The following MCU variants were observed in gnomAD, a reference collection of about 807,000 sequenced individuals.
MCU encodes calcium uniporter protein, mitochondrial.
Under a neutral mutation model 45.2 loss-of-function variants are expected in MCU, and 12 were observed. The observed-to-expected ratio is 0.27, with a 90% CI of 0.17 to 0.43. The LOEUF (loss-of-function observed/expected upper bound fraction) is 0.43. Among genes scored for constraint, MCU ranks in the 20% least tolerant of loss-of-function variants. MCU has a pLI of 1.00. For missense variants in MCU, 324 were observed against 436.7 expected (o/e 0.74, Z 2.30); for synonymous variants, 160 against 165.1 (o/e 0.97, Z 0.24).
Position 72,835,317 on chromosome 10 carries a change from C to T in MCU, c.220+889C>T, listed in dbSNP as rs150131800. On this transcript the variant is annotated intron_variant, in intron 2 of 7. Transcript: ENST00000373053. ...GTGTTTACAACTCTTATTGTCATTT[C>T]TCTTACCCGGTATTGTGCATTTACA... Among the ~76,000 whole-genome samples the T allele has an allele frequency of 2.7e-3, 409 of 152,260 alleles. 2 individuals are homozygous for T. The highest frequency in any genetic ancestry group is 8.2e-3 in the Admixed American group (125 of 15,294).
intron 1 of MCU, among the ~76,000 whole-genome samples, chr10:72,761,198 A>G (rs1049357251): frequency 1.3e-5 from 2 of 152,244 alleles, no homozygotes; most frequent in Admixed American, 6.5e-5. Flanking sequence ...AATGTTTTGC[A>G]GTCCATTTTT....
rs183449572 is a variant in MCU, at chr10:72,878,158, G to T, written c.862-6108G>T. 2.3e-3 allele frequency among the ~76,000 whole-genome samples: 234 copies of T among 103,484 alleles called. 6 individuals are homozygous for T. In the Admixed American group the frequency reaches 0.034, roughly 15 times the overall value. The allele number at this position is 103,484 out of a possible 152,430, so 67.9% of individuals were successfully genotyped here. A position where few individuals can be genotyped will look rare whatever the true frequency, so the allele number is the denominator to read the frequency against. On this transcript the variant is annotated intron_variant, in intron 6 of 7. Coordinates refer to ENST00000373053, the MANE Select transcript of MCU (RefSeq NM_138357.3). Reference sequence around the variant, plus strand: ...TTTTGAGACAGAGTCCTACTCTGTTGCCCAGGTTGGAGTACAGTGGCACAA... The same window carrying T: ...TTTTGAGACAGAGTCCTACTCTGTTTCCCAGGTTGGAGTACAGTGGCACAA...
chr10:72,742,033 A>C (rs867406587), intron 1 of MCU, among the ~76,000 whole-genome samples: 24 of 151,756 alleles, frequency 1.6e-4, no homozygotes, highest in South Asian at 4.2e-4. Flanking sequence ...AAAAAAAAAA[A>C]AAAAAAAAAA....
Position 72,741,244 on chromosome 10 carries a change from C to T in MCU, c.150+48943C>T, listed in dbSNP as rs567327386. 1.2e-3 allele frequency among the ~76,000 whole-genome samples: 177 copies of T among 151,946 alleles called. 1 individual carries two copies. Among genetic ancestry groups the T allele is most frequent in the Non-Finnish European group, 2.2e-4 (15 of 67,958 alleles). On this transcript the variant is annotated intron_variant, in intron 1 of 7. Coordinates refer to ENST00000373053, the MANE Select transcript of MCU (RefSeq NM_138357.3). The stretch of plus-strand genomic sequence containing the variant: ...CCTCCCAAGTAGCTAGGATTACAGG[C>T]GCCCACCACCACACCCGGCTAATTT...
intron 1 of MCU, among the ~76,000 whole-genome samples, chr10:72,707,533 G>A (rs1022205304): frequency 6.6e-6 from 1 of 151,858 alleles, no homozygotes; most frequent in Non-Finnish European, 1.5e-5. Flanking sequence ...AAGGATTGCT[G>A]TACCATCACA....
chr10:72,791,840 C>CA (rs35024051), intron 1 of MCU, among the ~76,000 whole-genome samples: 3,733 of 142,140 alleles, frequency 0.026, 133 homozygotes, highest in African/African-American at 0.081. Context: ...TTCTAAATGC[C>CA]AAAAAAAAAA....
chr10:72,742,224 GACATACC>G (rs1325070235), intron 1 of MCU, among the ~76,000 whole-genome samples: 6 of 151,790 alleles, frequency 4.0e-5, no homozygotes, highest in Non-Finnish European at 7.4e-5. Flanking sequence ...GGAGCAATAG[GACATACC>G]ATATGTCCTA....
At chr10:72,841,574 A>G (rs1845048238) in intron 2 of MCU, among the ~76,000 whole-genome samples, 1 of 152,190 alleles carries the variant, frequency 6.6e-6, no homozygotes, top group Non-Finnish European at 1.5e-5. Context: ...CTGGGATTAC[A>G]GGCGTGAACC....
chr10:72,774,160 C>G (rs1255070421), intron 1 of MCU, among the ~76,000 whole-genome samples: 1 of 152,082 alleles, frequency 6.6e-6, no homozygotes, highest in East Asian at 1.9e-4. Flanking sequence ...TAATATGAAG[C>G]CCAAAATCAC....
rs1370755676 is a variant in MCU, at chr10:72,711,904, G to T, written c.150+19603G>T. 3.3e-5 allele frequency among the ~76,000 whole-genome samples: 5 copies of T among 151,512 alleles called. No individual in the cohort carries two copies. The East Asian group carries it at 7.8e-4, about 24-fold the overall frequency. On this transcript the variant is annotated intron_variant, in intron 1 of 7. Coordinates refer to ENST00000373053, the MANE Select transcript of MCU (RefSeq NM_138357.3). ...TTTTCTGTATTTTTTAGTAGAGACA[G>T]GGTTTCACCGTGTTAGCCAGGATGG... is the stretch of plus-strand genomic sequence containing the variant.
At chr10:72,798,406 C>T (rs1373136331) in intron 1 of MCU, among the ~76,000 whole-genome samples, 4 of 152,164 alleles carry the variant, frequency 2.6e-5, no homozygotes, top group South Asian at 4.2e-4. Context: ...ATTCTCCTGC[C>T]GCAGCCTACC....
chr10:72,804,926 C>G (rs1844407666), intron 1 of MCU, among the ~76,000 whole-genome samples: 1 of 152,084 alleles, frequency 6.6e-6, no homozygotes, highest in Admixed American at 6.5e-5. Flanking sequence ...TGTGTGCCAC[C>G]AGGCCTGGCT....
intron 4 of MCU, 80 bp from the exon 5 acceptor site, chr10:72,868,623 G>A: frequency 7.8e-7 from 1 of 1,278,852 alleles, no homozygotes; most frequent in Non-Finnish European, 1.1e-6. Flanking sequence ...TATAATGGAT[G>A]AATCTGCCTC....
At chr10:72,756,732 A>C (rs1277079545) in intron 1 of MCU, 3 of 152,184 alleles carry the variant, frequency 2.0e-5, no homozygotes, top group African/African-American at 7.2e-5. Flanking sequence ...GTTCCCTGAC[A>C]TTCTCTGTTG....
At chr10:72,739,302 C>A (rs1455125567) in intron 1 of MCU, among the ~76,000 whole-genome samples, 2 of 152,046 alleles carry the variant, frequency 1.3e-5, no homozygotes, top group Admixed American at 1.3e-4. Flanking sequence ...TTTCAGTGCA[C>A]TTTAAAAATA....
intron 1 of MCU, among the ~76,000 whole-genome samples, chr10:72,803,123 T>G (rs988140344): frequency 6.6e-6 from 1 of 152,136 alleles, no homozygotes; most frequent in East Asian, 1.9e-4. Context: ...ATTACGTGGG[T>G]TTTTCCATCT....
intron 1 of MCU, among the ~76,000 whole-genome samples, chr10:72,724,914 A>G (rs1178262106): frequency 2.0e-5 from 3 of 152,188 alleles, no homozygotes; most frequent in African/African-American, 7.2e-5. Flanking sequence ...TCTTTGGGGC[A>G]TCTGGATGGT....
intron 1 of MCU, among the ~76,000 whole-genome samples, chr10:72,751,102 G>A (rs544480924): frequency 5.7e-4 from 86 of 152,096 alleles, no homozygotes; most frequent in African/African-American, 2.0e-3. Flanking sequence ...CTGGGTTCAA[G>A]CGTTTTTCCT....
chr10:72,693,079 CAG>C (rs766821014), intron 1 of MCU: 29 of 1,535,904 alleles, frequency 1.9e-5, no homozygotes, highest in Non-Finnish European at 2.5e-5. Flanking sequence ...AAGTTGTTGA[CAG>C]AGGCAGAGAT....
Sources: gnomAD v4.1 joint callset for allele counts (sites outside exome capture counted in the v4.1 genomes callset) on GRCh38, gnomAD v4.1.1 for gene constraint, MANE v1.5 for transcripts, NCBI Gene and HGNC (gene_info 2026-07-23, HGNC 2026-07-21) for gene names.